The following DNM3 variants were observed in gnomAD, a reference collection of about 807,000 sequenced individuals.
DNM3 encodes dynamin-3.
Under a neutral mutation model 101.6 loss-of-function variants are expected in DNM3, and 47 were observed. The ratio of observed to expected loss-of-function variants is 0.46; its 90% CI spans 0.37 to 0.59. The LOEUF is 0.59. Ranked by LOEUF, DNM3 falls within the 20% of genes least tolerant of loss-of-function variation. DNM3 has a pLI of 0.00. For missense variants in DNM3, 849 were observed against 1,085.7 expected, an observed-to-expected ratio of 0.78 and a Z score of 3.06; for synonymous variants, 385 against 387.9, an observed-to-expected ratio of 0.99 and a Z score of 0.09.
At chr1:172,255,737 C>T (rs1045043874) in intron 15 of DNM3, among the ~76,000 whole-genome samples, 7 of 152,076 alleles carry the variant, frequency 4.6e-5, no homozygotes, top group Admixed American at 2.0e-4. Flanking sequence ...TCCTTTAAAT[C>T]ATTTTTGTGC....
rs371573421 is a variant in DNM3 at position 171,902,617 on chromosome 1, CT to C, written c.162-19120del. Reference sequence around the variant, plus strand: ...TTTTTAATTGATCAAAGGCTTAAATCTTTTTTTTTTTAAACTAACATTTGGT... The same window carrying C: ...TTTTTAATTGATCAAAGGCTTAAATCTTTTTTTTTTAAACTAACATTTGGT... On this transcript the variant is annotated intron_variant, in intron 1 of 20. Transcript: ENST00000627582. Among the ~76,000 whole-genome samples the C allele has an allele frequency of 1.8e-3, 260 of 147,810 alleles. 1 individual carries two copies. Among genetic ancestry groups the C allele is most frequent in the African/African-American group, 5.6e-3 (228 of 40,428 alleles).
intron 13 of DNM3, among the ~76,000 whole-genome samples, chr1:172,113,630 A>T (rs2055663221): frequency 6.6e-6 from 1 of 151,042 alleles, no homozygotes; most frequent in Admixed American, 6.6e-5. Flanking sequence ...CAAAAAAAAA[A>T]AAAAAAAAAA....
intron 17 of DNM3, among the ~76,000 whole-genome samples, chr1:172,330,950 T>C (rs188750404): frequency 3.3e-5 from 5 of 152,320 alleles, no homozygotes; most frequent in South Asian, 2.1e-4. Context: ...TTATTTTTGT[T>C]GTGATTATAC....
At chr1:171,915,094 G>A (rs2039612837) in intron 1 of DNM3, among the ~76,000 whole-genome samples, 1 of 152,224 alleles carries the variant, frequency 6.6e-6, no homozygotes, top group African/African-American at 2.4e-5. Flanking sequence ...TATCTCCAGT[G>A]TCTAAGGCTT....
chr1:172,052,246 GAT>G, intron 10 of DNM3, among the ~76,000 whole-genome samples: 1 of 152,234 alleles, frequency 6.6e-6, no homozygotes, highest in East Asian at 1.9e-4. Context: ...TCTCTGTTGA[GAT>G]AGTATTCCTG....
At chr1:171,857,025 TCTATGTGAC>T (rs2033680440) in intron 1 of DNM3, among the ~76,000 whole-genome samples, 1 of 152,210 alleles carries the variant, frequency 6.6e-6, no homozygotes, top group Non-Finnish European at 1.5e-5. Flanking sequence ...CAGAGAATTT[TCTATGTGAC>T]CTATGTGTCT....
intron 4 of DNM3, among the ~76,000 whole-genome samples, chr1:171,996,757 G>A (rs1262765769): frequency 6.6e-6 from 1 of 152,024 alleles, no homozygotes; most frequent in African/African-American, 2.4e-5. Context: ...GGCTCGGCAT[G>A]GTGGCTCACA....
At chr1:172,104,456 A>AG (rs1441593848) in intron 13 of DNM3, among the ~76,000 whole-genome samples, 1 of 152,050 alleles carries the variant, frequency 6.6e-6, no homozygotes, top group Non-Finnish European at 1.5e-5. Context: ...ATTGACCACT[A>AG]GTATCTTCTG....
chr1:171,995,627 T>C (rs929158212), intron 4 of DNM3, among the ~76,000 whole-genome samples: 3 of 152,162 alleles, frequency 2.0e-5, no homozygotes, highest in African/African-American at 7.2e-5. Context: ...AAACTTTTCA[T>C]ATAACAGTCA....
intron 11 of DNM3, among the ~76,000 whole-genome samples, chr1:172,078,081 T>C (rs2052814192): frequency 6.6e-6 from 1 of 152,060 alleles, no homozygotes; most frequent in South Asian, 2.1e-4. Context: ...TTTGGGTCTT[T>C]GTTGGTTTTT....
intron 14 of DNM3, among the ~76,000 whole-genome samples, chr1:172,182,650 T>C (rs1055119856): frequency 2.0e-5 from 3 of 152,116 alleles, no homozygotes; most frequent in African/African-American, 7.2e-5. Flanking sequence ...GGCCTTCTGC[T>C]CTGCATGCCC....
chr1:172,145,575 G>A (rs1457027562), intron 14 of DNM3, among the ~76,000 whole-genome samples: 1 of 152,092 alleles, frequency 6.6e-6, no homozygotes, highest in African/African-American at 2.4e-5. Flanking sequence ...TGAGTAATTA[G>A]TTCCACATGT....
chr1:171,883,363 CCACACACACACACACACACACACACACA>C (rs71107337), intron 1 of DNM3, among the ~76,000 whole-genome samples: 4 of 119,938 alleles, frequency 3.3e-5, no homozygotes, highest in Non-Finnish European at 5.2e-5. Flanking sequence ...CAAAAAAGGA[CCACACACACACACACACACACACACACA>C]CACACACACA....
chr1:171,906,725 T>A (rs1396714283), intron 1 of DNM3, among the ~76,000 whole-genome samples: 1 of 152,214 alleles, frequency 6.6e-6, no homozygotes, highest in Non-Finnish European at 1.5e-5. Flanking sequence ...CTGTTTTTTT[T>A]GTATTTTAAA....
intron 11 of DNM3, among the ~76,000 whole-genome samples, chr1:172,077,204 C>T (rs2052731807): frequency 6.6e-6 from 1 of 152,008 alleles, no homozygotes; most frequent in Non-Finnish European, 1.5e-5. Flanking sequence ...ATTCTTCTCT[C>T]TTTTCTTCTT....
At chr1:172,046,938 A>C (rs1465724298) in intron 9 of DNM3, among the ~76,000 whole-genome samples, 1 of 152,196 alleles carries the variant, frequency 6.6e-6, no homozygotes, top group African/African-American at 2.4e-5. Context: ...TGTCAAATAT[A>C]ACTGCAAAAT....
intron 2 of DNM3, among the ~76,000 whole-genome samples, chr1:171,954,269 G>T (rs892728027): frequency 3.9e-5 from 6 of 152,072 alleles, no homozygotes; most frequent in Non-Finnish European, 8.8e-5. Flanking sequence ...TGCTAAATTT[G>T]ACTGATGATT....
chr1:172,225,134 C>CTTTTTTTTTTTTTTTTTTTTTTTTT (rs1168334078), intron 14 of DNM3, among the ~76,000 whole-genome samples: 2 of 65,528 alleles, frequency 3.1e-5, no homozygotes, highest in Non-Finnish European at 2.7e-5. Flanking sequence ...TCTTCTTCCT[C>CTTTTTTTTTTTTTTTTTTTTTTTTT]TTTTTTTTTT....
intron 14 of DNM3, among the ~76,000 whole-genome samples, chr1:172,223,364 G>T (rs1203575540): frequency 2.7e-5 from 4 of 149,928 alleles, no homozygotes; most frequent in Non-Finnish European, 5.9e-5. Flanking sequence ...GCACCAATTG[G>T]CAGGCACCAT....
Sources: gnomAD v4.1 joint callset for allele counts (sites outside exome capture counted in the v4.1 genomes callset) on GRCh38, gnomAD v4.1.1 for gene constraint, MANE v1.5 for transcripts, NCBI Gene and HGNC (gene_info 2026-07-23, HGNC 2026-07-21) for gene names.